The following NR1H4 variants were observed in gnomAD, a reference collection of about 807,000 sequenced individuals.
NR1H4 encodes the protein bile acid receptor.
NR1H4 carries 23 observed loss-of-function variants against 58.5 expected under a neutral mutation model. That is an observed-to-expected ratio of 0.39 (90% CI 0.28 to 0.56). The LOEUF (loss-of-function observed/expected upper bound fraction) is 0.56. NR1H4 is among the 20% of genes least tolerant of loss of function. The probability of loss-of-function intolerance (pLI) is 0.58; values close to 1 mark genes in which losing one functional copy is unlikely to be tolerated. For synonymous variants in NR1H4, 214 were observed against 198.0 expected, an observed-to-expected ratio of 1.08 and a Z score of -0.68; for missense variants, 487 against 576.9, an observed-to-expected ratio of 0.84 and a Z score of 1.60.
At chr12:100,550,976 G>A (rs921028070) in intron 9 of NR1H4, among the ~76,000 whole-genome samples, 1 of 152,128 alleles carries the variant, frequency 6.6e-6, no homozygotes, top group Non-Finnish European at 1.5e-5. Flanking sequence ...GGCTTAGAGA[G>A]GCAAGATGAC....
intron 3 of NR1H4, chr12:100,503,533 CT>C (rs1259926836): frequency 1.3e-6 from 2 of 1,544,622 alleles, no homozygotes; most frequent in African/African-American, 2.7e-5. Context: ...AGGTCGAGCT[CT>C]TGCAACTGGA....
intron 3 of NR1H4, among the ~76,000 whole-genome samples, chr12:100,508,398 G>A (rs961298063): frequency 9.9e-5 from 15 of 152,104 alleles, no homozygotes; most frequent in Admixed American, 3.3e-4. Flanking sequence ...AGCGGAGGCC[G>A]AGAAGGGGGT....
chr12:100,555,154 G>T (rs1955294109), intron 9 of NR1H4, among the ~76,000 whole-genome samples: 2 of 152,138 alleles, frequency 1.3e-5, no homozygotes, highest in South Asian at 4.1e-4. Context: ...AGGAAATTTG[G>T]TAATCAAAGA....
intron 9 of NR1H4, among the ~76,000 whole-genome samples, chr12:100,546,265 AT>A (rs1485045985): frequency 2.0e-5 from 3 of 152,160 alleles, no homozygotes; most frequent in Non-Finnish European, 4.4e-5. Flanking sequence ...GATATTATCA[AT>A]TCTATGCCAG....
intron 9 of NR1H4, among the ~76,000 whole-genome samples, chr12:100,551,509 G>A (rs1255773272): frequency 6.6e-6 from 1 of 152,208 alleles, no homozygotes; most frequent in Non-Finnish European, 1.5e-5. Context: ...GTTAAATTTA[G>A]AAATCTTAAC....
chr12:100,537,464 C>A lies in NR1H4; in HGVS notation c.931+417C>A, dbSNP rs538320541. Among the ~76,000 whole-genome samples the A allele has an allele frequency of 2.0e-5, 3 of 152,274 alleles. No individual in the cohort carries two copies. In the South Asian group the frequency reaches 6.2e-4, roughly 32 times the overall value. On this transcript the variant is annotated intron_variant, in intron 8 of 10. Coordinates refer to ENST00000392986, the MANE Select transcript of NR1H4 (RefSeq NM_001206979.2). Reference sequence around the variant, plus strand: ...AGCAATTGTTGATACCTACTCTATACTAAGTGCCTGGCTATTACCTTCAGG... The same window carrying A: ...AGCAATTGTTGATACCTACTCTATAATAAGTGCCTGGCTATTACCTTCAGG...
chr12:100,490,315 G>A (rs763489421), intron 1 of NR1H4, among the ~76,000 whole-genome samples: 7 of 152,130 alleles, frequency 4.6e-5, no homozygotes, highest in Non-Finnish European at 5.9e-5. Flanking sequence ...GTGGAAGTAC[G>A]GGGGAGCTTG....
At position 100,563,458 on chromosome 12, in the gene NR1H4, C is replaced by G; in HGVS notation, c.1400C>G (p.Pro467Arg). 2 of 1,614,064 alleles carry G rather than the reference C, an allele frequency of 1.2e-6. No individual in the cohort carries two copies. Among genetic ancestry groups the G allele is most frequent in the Non-Finnish European group, 1.7e-6 (2 of 1,179,946 alleles). ...AGAGTAAACGACCACAAGTTTACCC[C>G]ACTTCTCTGTGAAATCTGGGACGTG... ...SWRVNDHKFT[P>R]LLCEIWDVQ Residue 467 changes from proline to arginine, a missense_variant, in exon 11 of 11, where the codon CCA becomes CGA. Physicochemically the swap from Pro to Arg is moderately radical, Grantham distance 103. Transcript: ENST00000392986.
intron 3 of NR1H4, among the ~76,000 whole-genome samples, chr12:100,506,696 C>T (rs900522684): frequency 1.6e-4 from 25 of 152,070 alleles, no homozygotes; most frequent in Admixed American, 3.3e-4. Context: ...TTAGTAGAGA[C>T]GGGGTTTCAC....
At chr12:100,504,746 C>T (rs929223916) in intron 3 of NR1H4, among the ~76,000 whole-genome samples, 1 of 152,178 alleles carries the variant, frequency 6.6e-6, no homozygotes, top group East Asian at 1.9e-4. Context: ...GTTCATATAC[C>T]TAACAAGTTG....
chr12:100,546,661 C>A (rs1289697500), intron 9 of NR1H4, among the ~76,000 whole-genome samples: 1 of 152,136 alleles, frequency 6.6e-6, no homozygotes, highest in East Asian at 1.9e-4. Context: ...TGCCACTGCA[C>A]TCCAGCCTGG....
intron 3 of NR1H4, among the ~76,000 whole-genome samples, chr12:100,494,681 C>T (rs549614568): frequency 6.6e-6 from 1 of 152,358 alleles, no homozygotes; most frequent in South Asian, 2.1e-4. Context: ...GCCACTTGAC[C>T]ATTTGCTTCT....
intron 1 of NR1H4, among the ~76,000 whole-genome samples, chr12:100,490,022 G>A (rs1953572676): frequency 6.6e-6 from 1 of 152,104 alleles, no homozygotes; most frequent in Non-Finnish European, 1.5e-5. Flanking sequence ...TTTTCATTTG[G>A]GAGAGCAAGT....
intron 9 of NR1H4, among the ~76,000 whole-genome samples, chr12:100,541,300 T>C (rs1454035944): frequency 3.3e-5 from 5 of 152,068 alleles, no homozygotes; most frequent in Admixed American, 3.3e-4. Context: ...TTTTTTTTTT[T>C]TAGACACAGT....
intron 7 of NR1H4, 46 bp downstream of exon 7, chr12:100,536,656 C>A: frequency 8.9e-7 from 1 of 1,123,782 alleles, no homozygotes; most frequent in South Asian, 1.3e-5. Flanking sequence ...TTAATATTTT[C>A]TGGAGTTTTT....
chr12:100,559,145 A>C (rs566256914), intron 9 of NR1H4, among the ~76,000 whole-genome samples: 40 of 87,230 alleles, frequency 4.6e-4, no homozygotes, highest in African/African-American at 1.7e-3. Context: ...GGTTTTTGTA[A>C]GAAGTAGAGA....
At chr12:100,541,499 C>G (rs776336716) in intron 9 of NR1H4, among the ~76,000 whole-genome samples, 1 of 151,412 alleles carries the variant, frequency 6.6e-6, no homozygotes, top group East Asian at 1.9e-4. Context: ...CCGAGCTGGT[C>G]TCAAACTCTT....
At chr12:100,562,307 GATA>G (rs998569978) in intron 10 of NR1H4, among the ~76,000 whole-genome samples, 3 of 152,110 alleles carry the variant, frequency 2.0e-5, no homozygotes, top group Non-Finnish European at 2.9e-5. Context: ...GGATGAGAAA[GATA>G]ATAAATGAAG....
chr12:100,510,354 C>T (rs1007076186), intron 3 of NR1H4, among the ~76,000 whole-genome samples: 3 of 152,162 alleles, frequency 2.0e-5, no homozygotes, highest in East Asian at 1.9e-4. Flanking sequence ...TTTAAACCCT[C>T]ACACATTTGA....
Sources: gnomAD v4.1 joint callset for allele counts (sites outside exome capture counted in the v4.1 genomes callset) on GRCh38, gnomAD v4.1.1 for gene constraint, MANE v1.5 for transcripts, NCBI Gene and HGNC (gene_info 2026-07-23, HGNC 2026-07-21) for gene names.